Variants in RFTN1 observed in about 807,000 individuals in gnomAD.
The protein encoded by RFTN1 is raftlin, lipid raft linker 1.
Under a neutral mutation model 46.5 loss-of-function variants are expected in RFTN1, and 26 were observed. The observed-to-expected ratio is 0.56, with a 90% CI of 0.41 to 0.78. RFTN1 has a LOEUF of 0.78. Ranked by LOEUF, RFTN1 falls within the 30% of genes least tolerant of loss-of-function variation. RFTN1 has a pLI of 0.00. For synonymous variants in RFTN1, 261 were observed against 284.2 expected (o/e 0.92, Z 0.82); for missense variants, 693 against 718.7 (o/e 0.96, Z 0.41).
chr3:16,366,023 A>G (rs1247853966), intron 6 of RFTN1, among the ~76,000 whole-genome samples: 2 of 150,690 alleles, frequency 1.3e-5, no homozygotes, highest in African/African-American at 2.4e-5. Context: ...AGGGTAGGAA[A>G]GGGCAAGCAC....
Position 16,370,927 on chromosome 3 carries a change from C to A in RFTN1, c.827-648G>T, listed in dbSNP as rs971706437. The A allele has an allele frequency of 3.9e-5, 6 of 152,340 alleles. No homozygotes were observed. The highest frequency in any genetic ancestry group is 7.3e-5 in the Non-Finnish European group (5 of 68,178). The allele number at this position is 152,340 out of a possible 1,614,324, so 9.4% of individuals were successfully genotyped here. A position where few individuals can be genotyped will look rare whatever the true frequency, so the allele number is the denominator to read the frequency against. On this transcript the variant is annotated intron_variant, in intron 5 of 9. Coordinates refer to ENST00000334133, the MANE Select transcript of RFTN1 (RefSeq NM_015150.2). This position sits in a 1 kb window ranked among gnomAD's most constrained non-coding sequence, Gnocchi z 5.5. ...GGGATGAGGCGCTGAGCTTTTGGTT[C>A]CTTCATTTATAGCTCAGTTCTTCAG... is the stretch of plus-strand genomic sequence containing the variant.
rs909948478 is a variant in RFTN1 at position 16,356,840 on chromosome 3, G to A, written c.1146+1092C>T. 6.6e-6 allele frequency among the ~76,000 whole-genome samples: 1 copy of A among 152,188 alleles called. No homozygotes were observed. Among genetic ancestry groups the A allele is most frequent in the Non-Finnish European group, 1.5e-5 (1 of 68,020 alleles). The stretch of plus-strand genomic sequence containing the variant: ...AGCAGTTCTCTATGTCCATGGCTGG[G>A]CACGGTGGCTCACGCTGTAATCCCA... On this transcript the variant is annotated intron_variant, in intron 7 of 9. Transcript: ENST00000334133. The surrounding 1 kb of genome is among the most constrained non-coding windows in gnomAD (Gnocchi z 4.9).
At chr3:16,477,598 A>G (rs2076302948) in intron 2 of RFTN1, among the ~76,000 whole-genome samples, 1 of 152,234 alleles carries the variant, frequency 6.6e-6, no homozygotes, top group South Asian at 2.1e-4. Flanking sequence ...ACATATGGGA[A>G]GAGCCAAACC....
rs761576531 is a variant in RFTN1, at chr3:16,468,721, CTG to C, written c.145+25002_145+25003del. ...AAAATGGTAAGGAAATTGCAACTAG[CTG>C]TAGCCAATTCAAGCTGAGCCAATTA... On this transcript the variant is annotated intron_variant, in intron 2 of 9. Coordinates refer to ENST00000334133, the MANE Select transcript of RFTN1 (RefSeq NM_015150.2). The surrounding 1 kb of genome is among the most constrained non-coding windows in gnomAD (Gnocchi z 4.4). 6.6e-6 allele frequency among the ~76,000 whole-genome samples: 1 copy of C among 151,826 alleles called. No individual in the cohort carries two copies. Among genetic ancestry groups the C allele is most frequent in the Non-Finnish European group, 1.5e-5 (1 of 67,986 alleles).
chr3:16,398,621 C>G (rs1270553124), intron 4 of RFTN1, among the ~76,000 whole-genome samples: 1 of 152,206 alleles, frequency 6.6e-6, no homozygotes, highest in Admixed American at 6.5e-5. Context: ...CCGGGAGAAG[C>G]AGCTGCTCAC....
chr3:16,482,639 C>T (rs2076386090), intron 2 of RFTN1: 1 of 1,006,312 alleles, frequency 9.9e-7, no homozygotes, highest in Non-Finnish European at 1.5e-6. Flanking sequence ...CTTGTTTCCT[C>T]ATTTGTAAAA....
At chr3:16,372,769 C>A (rs535510137) in intron 5 of RFTN1, among the ~76,000 whole-genome samples, 1 of 152,154 alleles carries the variant, frequency 6.6e-6, no homozygotes, top group Admixed American at 6.5e-5. Flanking sequence ...AAAAGGTAGA[C>A]GGTGCTGACA....
At chr3:16,487,533 C>G (rs1575360926) in intron 2 of RFTN1, among the ~76,000 whole-genome samples, 1 of 152,218 alleles carries the variant, frequency 6.6e-6, no homozygotes, top group African/African-American at 2.4e-5. Flanking sequence ...GACAGAAGAA[C>G]AGAATATTCT....
rs1165932353 is a variant in RFTN1, at chr3:16,338,576, TAAAAA to T, written c.1147-11705_1147-11701del. Among the ~76,000 whole-genome samples, 1 of 152,160 alleles carries T rather than the reference TAAAAA, an allele frequency of 6.6e-6. No homozygotes were observed. Among genetic ancestry groups the T allele is most frequent in the South Asian group, 2.1e-4 (1 of 4,820 alleles). On this transcript the variant is annotated intron_variant, in intron 7 of 9. Coordinates refer to ENST00000334133, the MANE Select transcript of RFTN1 (RefSeq NM_015150.2). The surrounding 1 kb of genome is among the most constrained non-coding windows in gnomAD (Gnocchi z 5.3). ...AGAAATAGCTTTGTTTGATAACAAT[TAAAAA>T]AGAAACATTTTCTCCATCCAGAGAC...
intron 2 of RFTN1, chr3:16,434,654 A>C (rs1488190160): frequency 1.3e-5 from 2 of 152,314 alleles, no homozygotes; most frequent in East Asian, 1.9e-4. Context: ...CTAAAAAAAA[A>C]CACACAGAAA....
In RFTN1 at chr3:16,321,030, C is replaced by T. The variant is rs967733201; in HGVS notation, c.1332+2346G>A. ...GAGAGAAGTGGAGGGATTCCAGAGC[C>T]TCCGGGACCTAACACAGATGGGTCT... On this transcript the variant is annotated intron_variant, in intron 9 of 9. Transcript: ENST00000334133. This position sits in a 1 kb window ranked among gnomAD's most constrained non-coding sequence, Gnocchi z 4.8. Among the ~76,000 whole-genome samples the T allele has an allele frequency of 2.6e-5, 4 of 152,110 alleles. No homozygotes were observed. Among genetic ancestry groups the T allele is most frequent in the African/African-American group, 9.7e-5 (4 of 41,406 alleles).
In RFTN1 at chr3:16,465,419, G is replaced by GACACACACACACACACAC. The variant is rs10560544; in HGVS notation, c.145+28288_145+28305dup. 7.0e-6 allele frequency among the ~76,000 whole-genome samples: 1 copy of GACACACACACACACACAC among 143,294 alleles called. No homozygotes were observed. Among genetic ancestry groups the GACACACACACACACACAC allele is most frequent in the South Asian group, 2.3e-4 (1 of 4,380 alleles). The allele number at this position is 143,294 out of a possible 152,430, so 94.0% of individuals were successfully genotyped here. A position where few individuals can be genotyped will look rare whatever the true frequency, so the allele number is the denominator to read the frequency against. ...CCAACAGAGGTTGGCAGCTCAGAGG[G>GACACACACACACACACAC]ACACACACACACACACACACACACA... On this transcript the variant is annotated intron_variant, in intron 2 of 9. Coordinates refer to ENST00000334133, the MANE Select transcript of RFTN1 (RefSeq NM_015150.2). This position sits in a 1 kb window ranked among gnomAD's most constrained non-coding sequence, Gnocchi z 5.1.
intron 2 of RFTN1, among the ~76,000 whole-genome samples, chr3:16,486,880 C>T (rs1234407895): frequency 1.3e-5 from 2 of 152,224 alleles, no homozygotes; most frequent in Non-Finnish European, 1.5e-5. Flanking sequence ...AAGGATGGGG[C>T]ACAACGTGAT....
Position 16,344,222 on chromosome 3 carries a change from G to A in RFTN1, c.1146+13710C>T, listed in dbSNP as rs893179030. ...TATTCCTATTACATTTTATTGGGCT[G>A]GTTTTTGTCCAACATTCATATACTA... On this transcript the variant is annotated intron_variant, in intron 7 of 9. Transcript: ENST00000334133. This position sits in a 1 kb window ranked among gnomAD's most constrained non-coding sequence, Gnocchi z 4.4. Among the ~76,000 whole-genome samples, 1 of 152,030 alleles carries A rather than the reference G, an allele frequency of 6.6e-6. No homozygotes were observed. The highest frequency in any genetic ancestry group is 1.5e-5 in the Non-Finnish European group (1 of 68,014).
Position 16,385,072 on chromosome 3 carries a change from C to T in RFTN1, c.442-6970G>A, listed in dbSNP as rs1411808280. Among the ~76,000 whole-genome samples the T allele has an allele frequency of 6.6e-6, 1 of 152,192 alleles. No homozygotes were observed. The highest frequency in any genetic ancestry group is 1.9e-4 in the East Asian group (1 of 5,202). ...CGGCCCTCCCTCATAACTCACACGC[C>T]CCCGATCCGTGACAACATAGCACAG... On this transcript the variant is annotated intron_variant, in intron 4 of 9. Coordinates refer to ENST00000334133, the MANE Select transcript of RFTN1 (RefSeq NM_015150.2). The surrounding 1 kb of genome is among the most constrained non-coding windows in gnomAD (Gnocchi z 5.0).
intron 2 of RFTN1, among the ~76,000 whole-genome samples, chr3:16,438,091 C>T (rs1015524524): frequency 1.3e-5 from 2 of 152,078 alleles, no homozygotes; most frequent in South Asian, 2.1e-4. Flanking sequence ...TGTGAGTCAT[C>T]GAATATGGGC....
chr3:16,488,489 C>T (rs1236875538), intron 2 of RFTN1, among the ~76,000 whole-genome samples: 3 of 152,122 alleles, frequency 2.0e-5, no homozygotes, highest in African/African-American at 7.2e-5. Flanking sequence ...TTGTATTTGC[C>T]TAAGAGTCAA....
chr3:16,455,575 T>G (rs2075891707), intron 2 of RFTN1, among the ~76,000 whole-genome samples: 1 of 152,194 alleles, frequency 6.6e-6, no homozygotes, highest in African/African-American at 2.4e-5. Flanking sequence ...CAAGTTTTGT[T>G]AGGAGAGGAC....
Position 16,410,350 on chromosome 3 carries a change from T to C in RFTN1, c.333-867A>G, listed in dbSNP as rs904076923. On this transcript the variant is annotated intron_variant, in intron 3 of 9. Transcript: ENST00000334133. The surrounding 1 kb of genome is among the most constrained non-coding windows in gnomAD (Gnocchi z 4.6). ...AGCAAGACATACACCAAACCAATAA[T>C]AGCAGGTACCCCTGGGGAATGGGGA... is the stretch of plus-strand genomic sequence containing the variant. Among the ~76,000 whole-genome samples the C allele has an allele frequency of 6.6e-6, 1 of 151,304 alleles. No individual in the cohort carries two copies. The highest frequency in any genetic ancestry group is 1.5e-5 in the Non-Finnish European group (1 of 67,900).
Sources: gnomAD v4.1 joint callset for allele counts (sites outside exome capture counted in the v4.1 genomes callset) on GRCh38, gnomAD v4.1.1 for gene constraint, Gnocchi (gnomAD v3.1) non-coding constraint, MANE v1.5 for transcripts, NCBI Gene and HGNC (gene_info 2026-07-23, HGNC 2026-07-21) for gene names.